FBXW7: variants seen among roughly 807,000 people sequenced by gnomAD.
FBXW7 encodes F-box and WD repeat domain containing 7.
FBXW7 carries 11 observed loss-of-function variants against 86.3 expected under a neutral mutation model. That is an observed-to-expected ratio of 0.13 (90% CI 0.08 to 0.21). FBXW7 has a LOEUF of 0.21. Ranked by LOEUF, FBXW7 falls within the 10% of genes least tolerant of loss-of-function variation. The pLI, the probability that FBXW7 is intolerant of heterozygous loss-of-function variation, is 1.00. For synonymous variants in FBXW7, 313 were observed against 297.9 expected (o/e 1.05, Z -0.52); for missense variants, 488 against 847.4 (o/e 0.58, Z 5.27).
intron 4 of FBXW7, among the ~76,000 whole-genome samples, chr4:152,407,256 T>C (rs1418200428): frequency 1.3e-5 from 2 of 152,202 alleles, no homozygotes; most frequent in African/African-American, 4.8e-5. Flanking sequence ...TCCCCACATG[T>C]TTAAAATTGG....
intron 2 of FBXW7, among the ~76,000 whole-genome samples, chr4:152,482,890 T>G (rs1745008336): frequency 6.6e-6 from 1 of 152,164 alleles, no homozygotes; most frequent in Admixed American, 6.6e-5. Context: ...TAATTTTAAG[T>G]TTACCACAAA....
At chr4:152,461,077 G>C (rs943813694) in intron 2 of FBXW7, among the ~76,000 whole-genome samples, 6 of 152,076 alleles carry the variant, frequency 3.9e-5, no homozygotes, top group Non-Finnish European at 5.9e-5. Flanking sequence ...GGTCGGGAGG[G>C]AGTTCAAGAC....
intron 13 of FBXW7, chr4:152,323,420 T>C: frequency 2.1e-6 from 1 of 477,262 alleles, no homozygotes; most frequent in Non-Finnish European, 3.8e-6. Flanking sequence ...TTTCTGGCTG[T>C]GTGAACGACA....
chr4:152,449,887 C>T (rs1389657777), intron 2 of FBXW7, among the ~76,000 whole-genome samples: 2 of 152,156 alleles, frequency 1.3e-5, no homozygotes, highest in African/African-American at 2.4e-5. Flanking sequence ...AATCATACTT[C>T]AAATTACTGT....
chr4:152,439,641 C>T lies in FBXW7; in HGVS notation c.-119-27112G>A, dbSNP rs190982010. On this transcript the variant is annotated intron_variant, in intron 2 of 13. Transcript: ENST00000281708. ...AGCACTTCGGGAGGCTGAGGCGGGC[C>T]GATCACGAGGTCAGGAGATTGAGAC... Among the ~76,000 whole-genome samples the T allele has an allele frequency of 4.0e-5, 6 of 151,794 alleles. No individual in the cohort carries two copies. The East Asian group carries it at 5.8e-4, about 15-fold the overall frequency.
intron 11 of FBXW7, among the ~76,000 whole-genome samples, chr4:152,327,653 T>TG (rs1426262714): frequency 1.3e-5 from 2 of 151,986 alleles, no homozygotes; most frequent in East Asian, 3.9e-4. Flanking sequence ...ACTTAAGAAC[T>TG]GGGCAGTGAC....
chr4:152,393,341 A>C lies in FBXW7; in HGVS notation c.501+17962T>G, dbSNP rs569188226. 1.1e-4 allele frequency among the ~76,000 whole-genome samples: 17 copies of C among 152,300 alleles called. No individual in the cohort carries two copies. The East Asian group carries it at 3.1e-3, about 28-fold the overall frequency. ...ATCTCTATTCTGTTCCCTTCTGAGT[A>C]AAGAAGCACAAAAATATAATTAAAA... On this transcript the variant is annotated intron_variant, in intron 4 of 13. Coordinates refer to ENST00000281708, the MANE Select transcript of FBXW7 (RefSeq NM_001349798.2).
intron 2 of FBXW7, among the ~76,000 whole-genome samples, chr4:152,511,469 G>A (rs934203008): frequency 2.6e-5 from 4 of 151,474 alleles, no homozygotes; most frequent in Non-Finnish European, 5.9e-5. Context: ...AAAAATATGG[G>A]TAATCAAATT....
chr4:152,534,376 G>A (rs1026048085), intron 2 of FBXW7, among the ~76,000 whole-genome samples: 3 of 152,090 alleles, frequency 2.0e-5, no homozygotes, highest in African/African-American at 7.2e-5. Context: ...CTGAGTAACT[G>A]ACATCTGTTA....
intron 2 of FBXW7, among the ~76,000 whole-genome samples, chr4:152,508,994 T>C (rs1747710484): frequency 6.6e-6 from 1 of 152,012 alleles, no homozygotes; most frequent in Non-Finnish European, 1.5e-5. Flanking sequence ...ATTAATTGAA[T>C]CATAGGAAAA....
At chr4:152,434,529 C>T (rs1298667054) in intron 2 of FBXW7, among the ~76,000 whole-genome samples, 1 of 152,162 alleles carries the variant, frequency 6.6e-6, no homozygotes, top group Non-Finnish European at 1.5e-5. Flanking sequence ...GCATTGCCTT[C>T]TTAGTCTCTA....
chr4:152,504,901 A>G (rs1384842241), intron 2 of FBXW7, among the ~76,000 whole-genome samples: 1 of 152,170 alleles, frequency 6.6e-6, no homozygotes, highest in Non-Finnish European at 1.5e-5. Flanking sequence ...TGCTTTTTAC[A>G]TTAATAAGGG....
At chr4:152,512,856 A>ATATTTATT (rs907827471) in intron 2 of FBXW7, among the ~76,000 whole-genome samples, 1 of 151,976 alleles carries the variant, frequency 6.6e-6, no homozygotes, top group Admixed American at 6.6e-5. Flanking sequence ...AAACGACCGA[A>ATATTTATT]TATTTATTTA....
chr4:152,450,348 G>A (rs1021534268), intron 2 of FBXW7, among the ~76,000 whole-genome samples: 12 of 152,202 alleles, frequency 7.9e-5, no homozygotes, highest in Admixed American at 6.5e-4. Context: ...GTATTGCCAA[G>A]AACTCTGCTT....
chr4:152,333,932 T>C (rs1729816543), intron 7 of FBXW7, among the ~76,000 whole-genome samples: 1 of 152,062 alleles, frequency 6.6e-6, no homozygotes. Flanking sequence ...TGCATGCTTA[T>C]AATCCCAGCT....
At chr4:152,338,964 A>G (rs974891669) in intron 6 of FBXW7, among the ~76,000 whole-genome samples, 1 of 152,160 alleles carries the variant, frequency 6.6e-6, no homozygotes, top group Non-Finnish European at 1.5e-5. Context: ...AGAAAACTTG[A>G]TCCAAGACAT....
At chr4:152,332,432 G>GTTT (rs1729647802) in intron 8 of FBXW7, among the ~76,000 whole-genome samples, 164 bp downstream of exon 8, 2 of 152,230 alleles carry the variant, frequency 1.3e-5, no homozygotes, top group Non-Finnish European at 2.9e-5. Context: ...TATATTGCTT[G>GTTT]TTAAAGGGGT....
intron 4 of FBXW7, among the ~76,000 whole-genome samples, chr4:152,405,118 AG>A (rs1015567298): frequency 2.7e-5 from 4 of 150,022 alleles, no homozygotes; most frequent in Admixed American, 6.6e-5. Flanking sequence ...AAAAAAAAAA[AG>A]AGGTGAAATG....
chr4:152,465,701 G>A (rs1553989162), intron 2 of FBXW7, among the ~76,000 whole-genome samples: 4 of 151,720 alleles, frequency 2.6e-5, no homozygotes, highest in African/African-American at 4.8e-5. Flanking sequence ...AAAATTAGCC[G>A]GGCATGATGG....
Sources: gnomAD v4.1 joint callset for allele counts (sites outside exome capture counted in the v4.1 genomes callset) on GRCh38, gnomAD v4.1.1 for gene constraint, MANE v1.5 for transcripts, NCBI Gene and HGNC (gene_info 2026-07-23, HGNC 2026-07-21) for gene names.